The following PUS7 variants were observed in gnomAD, a reference collection of about 807,000 sequenced individuals.
The protein encoded by PUS7 is pseudouridylate synthase 7 homolog.
PUS7 carries 48 observed loss-of-function variants against 79.8 expected under a neutral mutation model. The ratio of observed to expected loss-of-function variants is 0.60; its 90% CI spans 0.48 to 0.76. The LOEUF is 0.76. Ranked by LOEUF, PUS7 falls within the 30% of genes least tolerant of loss-of-function variation. The probability of loss-of-function intolerance (pLI) is 0.00; values close to 1 mark genes in which losing one functional copy is unlikely to be tolerated. For synonymous variants in PUS7, 286 were observed against 272.2 expected (o/e 1.05, Z -0.50); for missense variants, 729 against 797.6 (o/e 0.91, Z 1.04).
chr7:105,473,415 A>ATTTT (rs922271999), intron 9 of PUS7, among the ~76,000 whole-genome samples: 3 of 123,598 alleles, frequency 2.4e-5, no homozygotes, highest in African/African-American at 6.4e-5. Flanking sequence ...TGCCTGCCTA[A>ATTTT]TTTTTTTTTT....
At position 105,482,356 on chromosome 7, in the gene PUS7, C is replaced by T. The variant is rs964110373; in HGVS notation, c.1005G>A (p.Leu335=). ...LGNFSYQKNP[L]KLGELQGNHF... ...GGTTTCCTTGAAGCTCTCCCAATTT[C>T]AGTGGGTTTTTTTGATAGCTGAAAT... is the stretch of plus-strand genomic sequence containing the variant. The change falls in exon 8 of 16, where the codon CTG becomes CTA. Residue 335 remains leucine, a synonymous_variant. Coordinates refer to ENST00000469408, the MANE Select transcript of PUS7 (RefSeq NM_019042.5). 8 of 1,612,874 alleles carry T rather than the reference C, an allele frequency of 5.0e-6. No homozygotes were observed. Among genetic ancestry groups the T allele is most frequent in the African/African-American group, 2.7e-5 (2 of 74,734 alleles).
chr7:105,515,690 C>T (rs779010057), intron 1 of PUS7, among the ~76,000 whole-genome samples: 5 of 151,382 alleles, frequency 3.3e-5, no homozygotes, highest in Non-Finnish European at 5.9e-5. Flanking sequence ...TGCAGTGGCA[C>T]AATCTCGGCT....
intron 5 of PUS7, among the ~76,000 whole-genome samples, chr7:105,495,728 G>T (rs1824985232): frequency 6.6e-6 from 1 of 152,056 alleles, no homozygotes; most frequent in East Asian, 1.9e-4. Flanking sequence ...ATGGGTGACA[G>T]AGCAAGACCC....
intron 12 of PUS7, 52 bp from the exon 13 acceptor site, chr7:105,465,466 G>T: frequency 2.3e-6 from 3 of 1,296,044 alleles, no homozygotes; most frequent in South Asian, 1.2e-5. Context: ...ATATTGTTAT[G>T]AACTCAATCT....
At chr7:105,514,162 C>T (rs550349276) in intron 1 of PUS7, among the ~76,000 whole-genome samples, 61 of 133,494 alleles carry the variant, frequency 4.6e-4, no homozygotes, top group Middle Eastern at 4.3e-3. Context: ...ACCCAGGAGG[C>T]GGAGCTTGCG....
At chr7:105,479,162 G>A (rs1287483322) in intron 9 of PUS7, among the ~76,000 whole-genome samples, 1 of 152,152 alleles carries the variant, frequency 6.6e-6, no homozygotes, top group African/African-American at 2.4e-5. Flanking sequence ...TCACCATTCT[G>A]TGAATTGGTA....
At position 105,457,898 on chromosome 7, in the gene PUS7, A is replaced by G. The variant is rs146768120; in HGVS notation, c.1878T>C (p.Asp626=). The change falls in exon 16 of 16, where the codon GAT becomes GAC. Residue 626 remains aspartate (D), a synonymous_variant. Transcript: ENST00000469408. ...CGTAAGTAGAAGGGGGTAGAGAAAA[A>G]TCCATTTTCAGAGCCCTGTATTTGC... ...SEGKYRALKM[D]FSLPPSTYAT... 5.0e-5 allele frequency: 80 copies of G among 1,613,752 alleles called. No individual in the cohort carries two copies. In the African/African-American group the frequency reaches 9.1e-4, roughly 18 times the overall value.
chr7:105,502,527 T>A lies in PUS7; in HGVS notation c.623A>T (p.His208Leu). 1 of 1,614,086 alleles carries A rather than the reference T, an allele frequency of 6.2e-7. No individual in the cohort carries two copies. The highest frequency in any genetic ancestry group is 8.5e-7 in the Non-Finnish European group (1 of 1,179,978). Reference sequence around the variant, plus strand: ...TGGAAACAGAGATTTGATAGCCTGATGGATGATGGTTCTTTTCTCTTTGGT... The same window carrying A: ...TGGAAACAGAGATTTGATAGCCTGAAGGATGATGGTTCTTTTCTCTTTGGT... ...EDTKEKRTIIHQAIKSLFPGL... is the reference protein window; with the variant it reads ...EDTKEKRTIILQAIKSLFPGL... Residue 208 changes from histidine to leucine, a missense_variant, in exon 5 of 16, where the codon CAT becomes CTT. His to Leu is a moderately conservative substitution (Grantham distance 99). Coordinates refer to ENST00000469408, the MANE Select transcript of PUS7 (RefSeq NM_019042.5).
At chr7:105,518,723 AC>A (rs558467730) in intron 1 of PUS7, among the ~76,000 whole-genome samples, 123 of 152,016 alleles carry the variant, frequency 8.1e-4, no homozygotes, top group Non-Finnish European at 1.5e-3. Flanking sequence ...TCCAAAATAA[AC>A]ATCAGAAAAA....
intron 5 of PUS7, among the ~76,000 whole-genome samples, chr7:105,496,214 TATATATATATATAGAG>T (rs1422018075): frequency 1.1e-4 from 8 of 71,772 alleles, no homozygotes; most frequent in African/African-American, 4.0e-4. Context: ...TATATATATA[TATATATATATATAGAG>T]AGAGAGAGAG....
Position 105,470,857 on chromosome 7 carries a change from G to T in PUS7, c.1238-9C>A, listed in dbSNP as rs1655869603. ...CAAGTAGCCCTTTTCAGCTGCGGGG[G>T]GAAAAAGCTAGGGTTAAATGACTTA... On this transcript the variant is annotated splice_polypyrimidine_tract_variant and intron_variant, in intron 10 of 15. Transcript: ENST00000469408. 6.4e-7 allele frequency: 1 copy of T among 1,564,486 alleles called. No homozygotes were observed. Among genetic ancestry groups the T allele is most frequent in the African/African-American group, 1.4e-5 (1 of 73,352 alleles).
At chr7:105,521,715 G>T (rs969935720) in intron 1 of PUS7, among the ~76,000 whole-genome samples, 4 of 152,356 alleles carry the variant, frequency 2.6e-5, no homozygotes, top group South Asian at 4.1e-4. Flanking sequence ...AGAAAGGGAG[G>T]AGTGGGAAGG....
chr7:105,481,935 T>C (rs1430323450), intron 8 of PUS7, among the ~76,000 whole-genome samples: 3 of 152,222 alleles, frequency 2.0e-5, no homozygotes, highest in African/African-American at 7.2e-5. Context: ...TTTCACCGTA[T>C]TAGCCAGGAT....
At chr7:105,517,513 C>T (rs539125977) in intron 1 of PUS7, among the ~76,000 whole-genome samples, 2 of 152,252 alleles carry the variant, frequency 1.3e-5, no homozygotes, top group African/African-American at 4.8e-5. Context: ...TTTGTTTCCT[C>T]TGCACTCCAA....
At chr7:105,521,820 G>A (rs117401720) in intron 1 of PUS7, among the ~76,000 whole-genome samples, 5 of 151,328 alleles carry the variant, frequency 3.3e-5, no homozygotes, top group South Asian at 2.1e-4. Context: ...CGGGGAGCGG[G>A]GAGCGGAGAG....
At chr7:105,491,241 T>C (rs528526408) in intron 7 of PUS7, among the ~76,000 whole-genome samples, 1 of 152,330 alleles carries the variant, frequency 6.6e-6, no homozygotes, top group East Asian at 1.9e-4. Context: ...CTCTCGGGTG[T>C]ACAACAAAAC....
chr7:105,485,550 T>A, intron 7 of PUS7, among the ~76,000 whole-genome samples: 1 of 152,178 alleles, frequency 6.6e-6, no homozygotes, highest in Non-Finnish European at 1.5e-5. Flanking sequence ...ATGTTCAAAT[T>A]TATGATCCAC....
At chr7:105,459,926 A>T (rs1823347612) in intron 14 of PUS7, among the ~76,000 whole-genome samples, 1 of 152,028 alleles carries the variant, frequency 6.6e-6, no homozygotes, top group African/African-American at 2.4e-5. Context: ...TTAAAATTTT[A>T]AAAATGTACA....
In PUS7 at chr7:105,466,745, G is replaced by GA. The variant is rs1222513068; in HGVS notation, c.1526-1332dup. Among the ~76,000 whole-genome samples, 570 of 138,098 alleles carry GA rather than the reference G, an allele frequency of 4.1e-3. 2 individuals are homozygous for GA. The highest frequency in any genetic ancestry group is 0.013 in the African/African-American group (488 of 37,548). 90.6% of individuals were successfully genotyped at this position (138,098 alleles called of 152,430 possible). Reference sequence around the variant, plus strand: ...ATCATAAATGGATGCATTTTGCTGGGAAAAAAAAAAAAGTTAAAAAAAAAA... The same window carrying GA: ...ATCATAAATGGATGCATTTTGCTGGGAAAAAAAAAAAAAGTTAAAAAAAAAA... On this transcript the variant is annotated intron_variant, in intron 12 of 15. Transcript: ENST00000469408.
Sources: allele counts gnomAD v4.1 joint callset (sites outside exome capture counted in the v4.1 genomes callset), GRCh38; gene constraint gnomAD v4.1.1; transcripts MANE v1.5; gene names NCBI Gene and HGNC (gene_info 2026-07-23, HGNC 2026-07-21).